Variants in XPR1 observed in about 807,000 individuals in gnomAD.
The protein encoded by XPR1 is xenotropic and polytropic retrovirus receptor 1.
Under a neutral mutation model 87.5 loss-of-function variants are expected in XPR1, and 28 were observed. The ratio of observed to expected loss-of-function variants is 0.32; its 90% CI spans 0.24 to 0.44. XPR1 has a LOEUF of 0.44. Among genes scored for constraint, XPR1 ranks in the 20% least tolerant of loss-of-function variants. The probability of loss-of-function intolerance (pLI) is 1.00; values close to 1 mark genes in which losing one functional copy is unlikely to be tolerated. For missense variants in XPR1, 559 were observed against 862.3 expected (o/e 0.65, Z 4.41); for synonymous variants, 300 against 306.1 (o/e 0.98, Z 0.21).
At chr1:180,781,688 C>CT (rs1185111288) in intron 2 of XPR1, among the ~76,000 whole-genome samples, 5 of 149,722 alleles carry the variant, frequency 3.3e-5, no homozygotes, top group Non-Finnish European at 4.4e-5. Context: ...TATTATTATA[C>CT]TTTAACTTTT....
chr1:180,696,242 A>C (rs1657173449), intron 2 of XPR1, among the ~76,000 whole-genome samples: 1 of 138,838 alleles, frequency 7.2e-6, no homozygotes, highest in African/African-American at 2.7e-5. Flanking sequence ...TATGGTAGCT[A>C]TTGTAAATGA....
rs1468422693 is a variant in XPR1, at chr1:180,711,061, C to T, written c.121+28650C>T. 3.3e-5 allele frequency among the ~76,000 whole-genome samples: 5 copies of T among 150,946 alleles called. No homozygotes were observed. In the South Asian group the frequency reaches 8.4e-4, roughly 25 times the overall value. On this transcript the variant is annotated intron_variant, in intron 2 of 14. Transcript: ENST00000367590. Reference sequence around the variant, plus strand: ...GCTCCTCACTTCTCAGACGGGGCGGCCGGGCAGAGACGCTCCTCACCTCCC... The same window carrying T: ...GCTCCTCACTTCTCAGACGGGGCGGTCGGGCAGAGACGCTCCTCACCTCCC...
At chr1:180,853,026 G>A (rs1008275194) in intron 11 of XPR1, among the ~76,000 whole-genome samples, 1 of 152,168 alleles carries the variant, frequency 6.6e-6, no homozygotes, top group South Asian at 2.1e-4. Context: ...CACCCGTTGG[G>A]TTCAAGCACT....
intron 1 of XPR1, among the ~76,000 whole-genome samples, chr1:180,637,706 A>C (rs1279124185): frequency 6.6e-6 from 1 of 152,136 alleles, no homozygotes; most frequent in African/African-American, 2.4e-5. Context: ...GGCGCGCGCA[A>C]CTACATCCAG....
At chr1:180,636,606 A>G (rs1305117601) in intron 1 of XPR1, among the ~76,000 whole-genome samples, 2 of 152,204 alleles carry the variant, frequency 1.3e-5, no homozygotes, top group Admixed American at 1.3e-4. Context: ...TGACCATGGA[A>G]ACTTAGTCCT....
At position 180,632,280 on chromosome 1, in the gene XPR1, C is replaced by G; in HGVS notation, c.69+10C>G. The G allele has an allele frequency of 6.2e-7, 1 of 1,610,128 alleles. No homozygotes were observed. Among genetic ancestry groups the G allele is most frequent in the Non-Finnish European group, 8.5e-7 (1 of 1,178,046 alleles). On this transcript the variant is annotated intron_variant, in intron 1 of 14. Coordinates refer to ENST00000367590, the MANE Select transcript of XPR1 (RefSeq NM_004736.4). ...ATACATCCAGTATGAGGTACCGGCA[C>G]GGCTGGGGTGTGGGAGGACTCGGAG...
chr1:180,748,511 C>T (rs547604483), intron 2 of XPR1, among the ~76,000 whole-genome samples: 4 of 144,944 alleles, frequency 2.8e-5, no homozygotes, highest in South Asian at 4.4e-4. Context: ...CTCTGCCTCC[C>T]GGGTTCAAGC....
chr1:180,659,320 C>CT (rs1298087335), intron 1 of XPR1, among the ~76,000 whole-genome samples: 2 of 141,922 alleles, frequency 1.4e-5, no homozygotes, highest in Non-Finnish European at 3.1e-5. Flanking sequence ...GGCCTGTAGT[C>CT]TGTCTTCCTT....
At position 180,838,611 on chromosome 1, in the gene XPR1, C is replaced by T. The variant is rs1368262631; in HGVS notation, c.1501+1895C>T. On this transcript the variant is annotated intron_variant, in intron 11 of 14. Coordinates refer to ENST00000367590, the MANE Select transcript of XPR1 (RefSeq NM_004736.4). ...GAATTTTATAAACCGTATTACCTTT[C>T]GGACATTTTTAAGTTTACAACTGAA... is the stretch of plus-strand genomic sequence containing the variant. 2.0e-5 allele frequency among the ~76,000 whole-genome samples: 3 copies of T among 152,174 alleles called. 1 individual carries two copies. The highest frequency in any genetic ancestry group is 4.1e-4 in the South Asian group (2 of 4,820).
Position 180,885,605 on chromosome 1 carries a change from G to A in XPR1, c.*1539G>A, listed in dbSNP as rs1263429720. ...AAAATTAATATAAATTCCAGGACAT[G>A]GTAAAATGTGTTTTAATAACCCCCA... On this transcript the variant is annotated 3_prime_UTR_variant, in exon 15 of 15. Coordinates refer to ENST00000367590, the MANE Select transcript of XPR1 (RefSeq NM_004736.4). 2.6e-5 allele frequency: 4 copies of A among 152,166 alleles called. No homozygotes were observed. Among genetic ancestry groups the A allele is most frequent in the Non-Finnish European group, 5.9e-5 (4 of 68,030 alleles). 9.4% of individuals were successfully genotyped at this position (152,166 alleles called of 1,614,324 possible). A position where few individuals can be genotyped will look rare whatever the true frequency, so the allele number is the denominator to read the frequency against.
intron 2 of XPR1, among the ~76,000 whole-genome samples, chr1:180,684,828 A>G (rs1169116385): frequency 6.6e-6 from 1 of 152,158 alleles, no homozygotes; most frequent in African/African-American, 2.4e-5. Context: ...TGATTTTTGT[A>G]CATTGATTCT....
chr1:180,788,850 GTC>G (rs1445323647), intron 3 of XPR1, among the ~76,000 whole-genome samples: 1 of 152,170 alleles, frequency 6.6e-6, no homozygotes, highest in Non-Finnish European at 1.5e-5. Context: ...GTGTGAATTA[GTC>G]TAAAGATGAA....
intron 1 of XPR1, among the ~76,000 whole-genome samples, chr1:180,649,434 A>AAAAAAC (rs978794234): frequency 6.6e-6 from 1 of 152,184 alleles, no homozygotes; most frequent in Non-Finnish European, 1.5e-5. Context: ...CTGTCTCAAA[A>AAAAAAC]AAAAACAAAA....
At chr1:180,859,116 T>G (rs1652135382) in intron 11 of XPR1, among the ~76,000 whole-genome samples, 1 of 452 alleles carries the variant, frequency 2.2e-3, no homozygotes, top group South Asian at 0.045. Flanking sequence ...ATATCCACCC[T>G]GAAACATGAT....
intron 2 of XPR1, among the ~76,000 whole-genome samples, chr1:180,710,656 C>T (rs145312085): frequency 0.017 from 2,555 of 152,330 alleles, 80 homozygotes; most frequent in African/African-American, 0.056. Context: ...ACATTTCCCC[C>T]CTTACTATTC....
At position 180,718,824 on chromosome 1, in the gene XPR1, A is replaced by G. The variant is rs202056194; in HGVS notation, c.121+36413A>G. On this transcript the variant is annotated intron_variant, in intron 2 of 14. Transcript: ENST00000367590. ...GCTGGGATTACAGGTGCCCACCACC[A>G]CAGCTGGCTAATTTTTGTATTTTTA... Among the ~76,000 whole-genome samples the G allele has an allele frequency of 1.3e-3, 193 of 152,036 alleles. 1 individual carries two copies. The highest frequency in any genetic ancestry group is 3.4e-3 in the Middle Eastern group (1 of 294).
intron 11 of XPR1, among the ~76,000 whole-genome samples, chr1:180,844,605 A>T (rs556334860): frequency 6.6e-6 from 1 of 152,354 alleles, no homozygotes; most frequent in East Asian, 1.9e-4. Flanking sequence ...CAGTAGCTTA[A>T]AAACAGCTTT....
At chr1:180,767,090 G>A (rs1255757624) in intron 2 of XPR1, among the ~76,000 whole-genome samples, 2 of 152,208 alleles carry the variant, frequency 1.3e-5, no homozygotes, top group East Asian at 3.9e-4. Context: ...CCAAGTTCTT[G>A]TTAGAGCCTA....
At chr1:180,722,436 G>A (rs573649463) in intron 2 of XPR1, among the ~76,000 whole-genome samples, 2 of 152,202 alleles carry the variant, frequency 1.3e-5, no homozygotes, top group East Asian at 3.9e-4. Context: ...TCAGTTATAT[G>A]TTTTGATTTT....
Sources: gnomAD v4.1 joint callset for allele counts (sites outside exome capture counted in the v4.1 genomes callset) on GRCh38, gnomAD v4.1.1 for gene constraint, MANE v1.5 for transcripts, NCBI Gene and HGNC (gene_info 2026-07-23, HGNC 2026-07-21) for gene names.